The following FREM1 variants were observed in gnomAD, a reference collection of about 807,000 sequenced individuals.
FREM1 encodes the protein FRAS1 related extracellular matrix 1, also known as FRAS1-related extracellular matrix protein 1.
A neutral mutation model predicts 210.1 loss-of-function variants in FREM1; 220 were observed. The ratio of observed to expected loss-of-function variants is 1.05; its 90% CI spans 0.94 to 1.17. The LOEUF (loss-of-function observed/expected upper bound fraction) is 1.17, where lower values mean the gene tolerates loss of function less well. Among genes scored for constraint, FREM1 ranks in the 50% most tolerant of loss-of-function variants. The pLI is 0.00. For missense variants in FREM1, 3,454 were observed against 2,675.5 expected, an observed-to-expected ratio of 1.29 and a Z score of -6.42; for synonymous variants, 1,189 against 980.2, an observed-to-expected ratio of 1.21 and a Z score of -3.98.
chr9:14,776,259 G>A, intron 24 of FREM1, 56 bp from the exon 25 acceptor site: 2 of 1,488,100 alleles, frequency 1.3e-6, no homozygotes, highest in Non-Finnish European at 1.8e-6. Flanking sequence ...ACCATCTACT[G>A]GAATGAAATG....
intron 24 of FREM1, among the ~76,000 whole-genome samples, chr9:14,780,607 A>C (rs2132764933): frequency 6.6e-6 from 1 of 152,184 alleles, no homozygotes; most frequent in South Asian, 2.1e-4. Context: ...AATGCAGGAG[A>C]AATTTATGAT....
At chr9:14,772,779 G>T (rs1206162311) in intron 25 of FREM1, among the ~76,000 whole-genome samples, 2 of 152,084 alleles carry the variant, frequency 1.3e-5, no homozygotes, top group African/African-American at 4.8e-5. Context: ...GATGGTTAGT[G>T]GAAGAAGAGG....
intron 1 of FREM1, among the ~76,000 whole-genome samples, chr9:14,877,202 G>A (rs1833923987): frequency 1.3e-5 from 2 of 151,848 alleles, no homozygotes; most frequent in African/African-American, 4.8e-5. Flanking sequence ...ATGTGCTAAT[G>A]GACCTCAAAC....
At chr9:14,778,664 AG>A in intron 24 of FREM1, among the ~76,000 whole-genome samples, 1 of 28,542 alleles carries the variant, frequency 3.5e-5, no homozygotes, top group Admixed American at 4.9e-4. Context: ...GAGGGGAGGG[AG>A]GGGAGGGAGG....
chr9:14,819,295 C>T lies in FREM1; in HGVS notation c.2485G>A (p.Gly829Arg). ...LPLHGRVELN[G>R]FPLNSGGTFS... ...GTGCCCCCTGAATTTAGAGGAAATC[C>T]ATTCAGCTCCACCCTTCCGTGCAGA... Residue 829 changes from glycine (G) to arginine (R), a missense_variant, in exon 14 of 37, where the codon GGA becomes AGA. Coordinates refer to ENST00000380880, the MANE Select transcript of FREM1 (RefSeq NM_001379081.2). The T allele has an allele frequency of 1.2e-6, 2 of 1,613,920 alleles. No homozygotes were observed. Among genetic ancestry groups the T allele is most frequent in the Non-Finnish European group, 1.7e-6 (2 of 1,179,836 alleles).
At chr9:14,820,649 C>T (rs137945001) in intron 13 of FREM1, among the ~76,000 whole-genome samples, 2 of 152,334 alleles carry the variant, frequency 1.3e-5, no homozygotes, top group East Asian at 1.9e-4. Context: ...ACAAGGGCAG[C>T]CCCTTGCATC....
At chr9:14,826,044 AT>A (rs1344016874) in intron 10 of FREM1, among the ~76,000 whole-genome samples, 1 of 151,860 alleles carries the variant, frequency 6.6e-6, no homozygotes, top group Non-Finnish European at 1.5e-5. Context: ...TTTATAGAAT[AT>A]CCAAACTCCT....
intron 24 of FREM1, among the ~76,000 whole-genome samples, chr9:14,782,940 C>T (rs905575387): frequency 6.6e-6 from 1 of 152,196 alleles, no homozygotes; most frequent in Non-Finnish European, 1.5e-5. Flanking sequence ...TTCTTGCCCC[C>T]AAGCCTGTAT....
In FREM1 at chr9:14,759,800, G is replaced by C. The variant is rs767052446; in HGVS notation, c.5306C>G (p.Ser1769Cys). The C allele has an allele frequency of 3.0e-5, 49 of 1,611,824 alleles. No individual in the cohort carries two copies. The South Asian group carries it at 5.3e-4, about 17-fold the overall frequency. The change falls in exon 28 of 37, where the codon TCC becomes TGC. Residue 1769 changes from serine (S) to cysteine (C), a missense_variant. Ser to Cys is a moderately radical substitution (Grantham distance 112). Coordinates refer to ENST00000380880, the MANE Select transcript of FREM1 (RefSeq NM_001379081.2). ...LPLEIIRRGY[S>C]MDSAFVGIKV... Reference sequence around the variant, plus strand: ...TATACCCACAAAGGCCGAGTCCATGGAATATCCCCTTCTGATAATTTCCAA... The same window carrying C: ...TATACCCACAAAGGCCGAGTCCATGCAATATCCCCTTCTGATAATTTCCAA...
At chr9:14,834,731 T>C (rs927069185) in intron 10 of FREM1, among the ~76,000 whole-genome samples, 1 of 152,188 alleles carries the variant, frequency 6.6e-6, no homozygotes, top group African/African-American at 2.4e-5. Context: ...ATTGCCAAAA[T>C]GATGTCCAAT....
intron 16 of FREM1, among the ~76,000 whole-genome samples, chr9:14,811,029 C>T (rs144917851): frequency 0.03 from 4,598 of 152,312 alleles, 76 homozygotes; most frequent in Non-Finnish European, 0.037. Flanking sequence ...AGAAAACTCA[C>T]TGAAACCTCA....
intron 2 of FREM1, among the ~76,000 whole-genome samples, 159 bp downstream of exon 2, chr9:14,868,585 C>T (rs1831977993): frequency 6.6e-6 from 1 of 152,216 alleles, no homozygotes; most frequent in South Asian, 2.1e-4. Context: ...ACTATGCCTA[C>T]TAATTGCAAG....
At chr9:14,787,400 C>T (rs1261770063) in intron 23 of FREM1, among the ~76,000 whole-genome samples, 1 of 152,140 alleles carries the variant, frequency 6.6e-6, no homozygotes, top group Non-Finnish European at 1.5e-5. Context: ...TTTCAAAAAT[C>T]CTTTTAGAAA....
chr9:14,825,547 G>GTGTGTA, intron 10 of FREM1, among the ~76,000 whole-genome samples: 49 of 75,904 alleles, frequency 6.5e-4, no homozygotes, highest in African/African-American at 2.2e-3. Context: ...GTGTGTGTGT[G>GTGTGTA]TATATATATA....
intron 1 of FREM1, among the ~76,000 whole-genome samples, chr9:14,873,312 G>A (rs545747800): frequency 1.3e-5 from 2 of 152,122 alleles, no homozygotes; most frequent in Non-Finnish European, 2.9e-5. Flanking sequence ...ACTCTTTTTG[G>A]TTGGTAAGCT....
intron 10 of FREM1, among the ~76,000 whole-genome samples, chr9:14,828,620 G>A (rs1340208966): frequency 8.5e-6 from 1 of 118,316 alleles, no homozygotes; most frequent in Non-Finnish European, 1.6e-5. Context: ...TTGTATGGGA[G>A]AAGAACATAA....
chr9:14,809,715 G>C (rs544720182), intron 16 of FREM1, among the ~76,000 whole-genome samples: 16 of 152,310 alleles, frequency 1.1e-4, no homozygotes, highest in African/African-American at 3.4e-4. Flanking sequence ...CCTACTGTGT[G>C]ATAATTAGTG....
chr9:14,820,567 G>C (rs1409321257), intron 13 of FREM1, among the ~76,000 whole-genome samples: 1 of 152,226 alleles, frequency 6.6e-6, no homozygotes, highest in Non-Finnish European at 1.5e-5. Context: ...AGCCTGCTGT[G>C]TCCTTCTGGA....
intron 3 of FREM1, among the ~76,000 whole-genome samples, chr9:14,860,553 A>ATGTGTGTATATATGTG (rs1336532557): frequency 1.7e-5 from 2 of 117,646 alleles, no homozygotes; most frequent in African/African-American, 8.3e-5. Context: ...ACACATATAT[A>ATGTGTGTATATATGTG]TACACACATA....
Sources: allele counts gnomAD v4.1 joint callset (sites outside exome capture counted in the v4.1 genomes callset), GRCh38; gene constraint gnomAD v4.1.1; transcripts MANE v1.5; gene names NCBI Gene and HGNC (gene_info 2026-07-23, HGNC 2026-07-21).